The following PADI3 variants were observed in gnomAD, a reference collection of about 807,000 sequenced individuals.
PADI3 encodes protein-arginine deiminase type-3.
In PADI3, 53 loss-of-function variants were observed where a neutral mutation model predicts 71.5. The observed-to-expected ratio is 0.74, with a 90% confidence interval of 0.59 to 0.93. The LOEUF (loss-of-function observed/expected upper bound fraction) is 0.93, where lower values mean the gene tolerates loss of function less well. PADI3 is among the 40% of genes least tolerant of loss of function. The pLI, the probability that PADI3 is intolerant of heterozygous loss-of-function variation, is 0.00. For missense variants in PADI3, 821 were observed against 868.0 expected (o/e 0.95, Z 0.68); for synonymous variants, 361 against 347.5 (o/e 1.04, Z -0.43).
Position 17,266,810 on chromosome 1 carries a change from G to A in PADI3, c.500G>A (p.Cys167Tyr). The A allele has an allele frequency of 6.2e-7, 1 of 1,614,104 alleles. No individual in the cohort carries two copies. The highest frequency in any genetic ancestry group is 1.7e-5 in the Admixed American group (1 of 60,016). Residue 167 changes from cysteine (C) to tyrosine (Y), a missense_variant, in exon 5 of 16, where the codon TGT becomes TAT. Cys to Tyr is a radical substitution (Grantham distance 194). Transcript: ENST00000375460. ...CCGAGCTGTGATGTCCAGGACAATT[G>A]TGACCAGCACGTGCACTGCCTGCAA... The part of the protein sequence containing the change: ...DDPSCDVQDN[C>Y]DQHVHCLQDL...
chr1:17,276,473 A>G (rs537369133), intron 11 of PADI3, 46 bp from the exon 12 acceptor site: 91 of 1,602,770 alleles, frequency 5.7e-5, no homozygotes, highest in Non-Finnish European at 7.6e-5. Context: ...TTCTGCATGG[A>G]GTCTTTTTAG....
intron 4 of PADI3, 23 bp from the exon 5 acceptor site, chr1:17,266,696 T>C (rs2073172928): frequency 6.3e-7 from 1 of 1,598,896 alleles, no homozygotes; most frequent in Non-Finnish European, 8.6e-7. Flanking sequence ...CCCTCATCAC[T>C]GGCTATGTTT....
At chr1:17,256,042 A>G (rs561199259) in intron 1 of PADI3, among the ~76,000 whole-genome samples, 151 of 152,110 alleles carry the variant, frequency 9.9e-4, no homozygotes, top group Non-Finnish European at 1.7e-3. Context: ...CTGAGTCTAA[A>G]CTAGACCTCT....
In PADI3 at chr1:17,276,800, T is replaced by G. The variant is rs1419797182; in HGVS notation, c.1479T>G (p.Pro493=). 1.9e-6 allele frequency: 3 copies of G among 1,613,640 alleles called. No individual in the cohort carries two copies. The highest frequency in any genetic ancestry group is 2.7e-5 in the African/African-American group (2 of 74,944). The stretch of plus-strand genomic sequence containing the variant: ...GCTTCCGGATGCTCCTGGCCAGCCC[T>G]GGGGCCTGCTTCAAGCTCTTCCAGG... The part of the protein sequence containing the change: ...GKGFRMLLAS[P]GACFKLFQEK... The change falls in exon 13 of 16, where the codon CCT becomes CCG. Residue 493 remains proline (P), a synonymous_variant. Transcript: ENST00000375460.
chr1:17,274,614 T>A, intron 10 of PADI3, 21 bp from the exon 11 acceptor site: 2 of 1,601,134 alleles, frequency 1.2e-6, no homozygotes. Context: ...CACCCCCGCC[T>A]GACTTGGTTT....
chr1:17,253,755 C>G (rs1266478411), intron 1 of PADI3, among the ~76,000 whole-genome samples: 1 of 152,202 alleles, frequency 6.6e-6, no homozygotes, highest in Admixed American at 6.5e-5. Context: ...ACTCATGTCA[C>G]CCCTTTCTCT....
Position 17,276,786 on chromosome 1 carries a change from C to T in PADI3, c.1465C>T (p.Leu489Phe), listed in dbSNP as rs1303962095. 8 of 1,613,750 alleles carry T rather than the reference C, an allele frequency of 5.0e-6. No individual in the cohort carries two copies. The highest frequency in any genetic ancestry group is 1.7e-5 in the Admixed American group (1 of 59,938). Residue 489 changes from leucine (L) to phenylalanine (F), a missense_variant, in exon 13 of 16, where the codon CTC becomes TTC. Transcript: ENST00000375460. ...PAPDGKGFRM[L>F]LASPGACFKL... Reference sequence around the variant, plus strand: ...TCTCTGCACGCAGGGCTTCCGGATGCTCCTGGCCAGCCCTGGGGCCTGCTT... The same window carrying T: ...TCTCTGCACGCAGGGCTTCCGGATGTTCCTGGCCAGCCCTGGGGCCTGCTT...
At chr1:17,264,931 C>G (rs1257386224) in intron 3 of PADI3, among the ~76,000 whole-genome samples, 1 of 151,420 alleles carries the variant, frequency 6.6e-6, no homozygotes, top group Admixed American at 6.6e-5. Context: ...ATTACTTGAG[C>G]CCAGGAGGCA....
At chr1:17,256,592 G>A (rs76742249) in intron 1 of PADI3, among the ~76,000 whole-genome samples, 1,889 of 152,312 alleles carry the variant, frequency 0.012, 42 homozygotes, top group African/African-American at 0.042. Context: ...AGGCAGGGGC[G>A]CTGGGCTGAA....
chr1:17,262,902 C>T (rs896922370), intron 3 of PADI3, among the ~76,000 whole-genome samples: 2 of 149,734 alleles, frequency 1.3e-5, no homozygotes, highest in South Asian at 2.2e-4. Flanking sequence ...GAAATTCCAA[C>T]GTGGCTTTTT....
chr1:17,263,671 A>G (rs1013840477), intron 3 of PADI3, among the ~76,000 whole-genome samples: 43 of 152,256 alleles, frequency 2.8e-4, no homozygotes, highest in Admixed American at 2.2e-3. Context: ...AAAAATTTAT[A>G]TGCAACAGAC....
chr1:17,259,104 C>G (rs1251895167), intron 1 of PADI3, among the ~76,000 whole-genome samples: 1 of 152,200 alleles, frequency 6.6e-6, no homozygotes, highest in Non-Finnish European at 1.5e-5. Context: ...GGGTCTTGCT[C>G]TGTCGCCCAG....
chr1:17,259,700 C>T lies in PADI3; in HGVS notation c.215C>T (p.Ala72Val), dbSNP rs763690862. The change falls in exon 2 of 16, where the codon GCG becomes GTG. Residue 72 changes from alanine (A) to valine (V), a missense_variant. By Grantham distance (64) the Ala-to-Val change is moderately conservative (BLOSUM62 0). Transcript: ENST00000375460. Reference sequence around the variant, plus strand: ...GACACCAGGCGGTGGCGCTTTGACGCGACTTTGGAGATCATCGTGGTCATG... The same window carrying T: ...GACACCAGGCGGTGGCGCTTTGACGTGACTTTGGAGATCATCGTGGTCATG... ...RADTRRWRFD[A>V]TLEIIVVMNS... 2.0e-5 allele frequency: 33 copies of T among 1,613,140 alleles called. No individual in the cohort carries two copies. The African/African-American group carries it at 2.1e-4, about 10-fold the overall frequency.
At chr1:17,266,680 T>A in intron 4 of PADI3, 39 bp from the exon 5 acceptor site, 1 of 1,539,722 alleles carries the variant, frequency 6.5e-7, no homozygotes, top group Non-Finnish European at 9.0e-7. Context: ...ACAGGTCTCA[T>A]CTGAGCCCTC....
rs147655668 is a variant in PADI3 at position 17,274,771 on chromosome 1, G to A, written c.1292G>A (p.Gly431Glu). The A allele has an allele frequency of 5.6e-5, 91 of 1,613,730 alleles. No homozygotes were observed. In the African/African-American group the frequency reaches 1.0e-3, roughly 18 times the overall value. The change falls in exon 11 of 16, where the codon GGG becomes GAG. Residue 431 changes from glycine (G) to glutamate (E), a missense_variant. By Grantham distance (98) the Gly-to-Glu change is moderately conservative. Transcript: ENST00000375460. ...TACCCCCTGGGGAGGATCCTCATTG[G>A]GGGCAACCTGCCTGGGTGAGAGAGA... The part of the protein sequence containing the change: ...KEYPLGRILI[G>E]GNLPGSSGRR...
At chr1:17,257,747 G>A (rs567935127) in intron 1 of PADI3, among the ~76,000 whole-genome samples, 13 of 152,336 alleles carry the variant, frequency 8.5e-5, no homozygotes, top group African/African-American at 2.6e-4. Context: ...TACTCTGAGG[G>A]AAGATGGGAA....
In PADI3 at chr1:17,271,081, C is replaced by G; in HGVS notation, c.950C>G (p.Thr317Arg). Residue 317 changes from threonine to arginine, a missense_variant, in exon 9 of 16, where the codon ACG becomes AGG. Physicochemically the swap from Thr to Arg is moderately conservative, Grantham distance 71. Transcript: ENST00000375460. ...EVYVCRVRNN[T>R]CFVDAVAELA... ...CTTGTCCGTAGTGTGAGGAACAACA[C>G]GTGTTTTGTGGATGCGGTGGCAGAG... 6.2e-7 allele frequency: 1 copy of G among 1,614,078 alleles called. No homozygotes were observed. Among genetic ancestry groups the G allele is most frequent in the Non-Finnish European group, 8.5e-7 (1 of 1,179,994 alleles).
intron 1 of PADI3, among the ~76,000 whole-genome samples, chr1:17,251,441 C>T (rs1209501089): frequency 2.0e-5 from 3 of 152,232 alleles, no homozygotes; most frequent in Non-Finnish European, 4.4e-5. Flanking sequence ...CTCTGAGTCT[C>T]TGTTTCCTCA....
chr1:17,262,172 C>T lies in PADI3; in HGVS notation c.313C>T (p.Leu105=). Residue 105 remains leucine, a synonymous_variant, in exon 3 of 16, where the codon CTG becomes TTG. Transcript: ENST00000375460. ...CCACTCCAGCCATGAGCCTCTGCCC[C>T]TGGCCTATGCGGTGCTCTACCTCAC... The part of the protein sequence containing the change: ...SYHSSHEPLP[L]AYAVLYLTCV... 6.2e-7 allele frequency: 1 copy of T among 1,613,388 alleles called. No individual in the cohort carries two copies. Among genetic ancestry groups the T allele is most frequent in the South Asian group, 1.1e-5 (1 of 90,922 alleles).
Sources: allele counts gnomAD v4.1 joint callset (sites outside exome capture counted in the v4.1 genomes callset), GRCh38; gene constraint gnomAD v4.1.1; transcripts MANE v1.5; gene names NCBI Gene and HGNC (gene_info 2026-07-23, HGNC 2026-07-21).